The following PFKFB3 variants were observed in gnomAD, a reference collection of about 807,000 sequenced individuals.
The protein encoded by PFKFB3 is 6-phosphofructo-2-kinase/fructose-2,6-bisphosphatase 3.
Under a neutral mutation model 68.0 loss-of-function variants are expected in PFKFB3, and 33 were observed. The ratio of observed to expected loss-of-function variants is 0.49; its 90% CI spans 0.37 to 0.65. The LOEUF is 0.65. Among genes scored for constraint, PFKFB3 ranks in the 30% least tolerant of loss-of-function variants. The probability of loss-of-function intolerance (pLI) is 0.00; values close to 1 mark genes in which losing one functional copy is unlikely to be tolerated. For missense variants in PFKFB3, 586 were observed against 712.2 expected (o/e 0.82, Z 2.02); for synonymous variants, 315 against 288.2 (o/e 1.09, Z -0.94).
chr10:6,286,536 C>A, the PFKFB3 span, among the ~76,000 whole-genome samples: 1 of 152,102 alleles, frequency 6.6e-6, no homozygotes, highest in Non-Finnish European at 1.5e-5. Context: ...GGCCACCGTG[C>A]CCAGTTAATT....
intron 1 of PFKFB3, among the ~76,000 whole-genome samples, chr10:6,172,073 G>A (rs1167297739): frequency 1.3e-5 from 2 of 152,176 alleles, no homozygotes; most frequent in Admixed American, 6.6e-5. Flanking sequence ...CGGTGTCCGG[G>A]ACAGATACTC....
chr10:6,290,723 C>T, the PFKFB3 span, among the ~76,000 whole-genome samples: 10 of 152,150 alleles, frequency 6.6e-5, 1 homozygote, highest in South Asian at 8.3e-4. Flanking sequence ...AGACTGGTTT[C>T]GAACTCCTGA....
rs1318588450 is a variant in PFKFB3 at position 6,219,589 on chromosome 10, G to A, written c.519G>A (p.Pro173=). The A allele has an allele frequency of 1.2e-5, 20 of 1,613,970 alleles. No individual in the cohort carries two copies. The highest frequency in any genetic ancestry group is 2.2e-5 in the East Asian group (1 of 44,876). Residue 173 remains proline (P), a synonymous_variant, in exon 7 of 15, where the codon CCG becomes CCA. Transcript: ENST00000379775. ...SNIMEVKISS[P]DYKDCNSAEA... is the part of the protein sequence containing the mutation. Reference sequence around the variant, plus strand: ...TGCAGGAAGTTAAAATCTCCAGCCCGGATTACAAAGACTGCAACTCGGCAG... The same window carrying A: ...TGCAGGAAGTTAAAATCTCCAGCCCAGATTACAAAGACTGCAACTCGGCAG...
At chr10:6,222,778 C>T (rs958360013) in intron 10 of PFKFB3, 77 bp from the exon 11 acceptor site, 3 of 1,495,326 alleles carry the variant, frequency 2.0e-6, no homozygotes, top group Admixed American at 4.1e-5. Context: ...TCTGGCCGGT[C>T]TGATGCAGTC....
chr10:6,307,858 G>A, the PFKFB3 span, among the ~76,000 whole-genome samples: 1 of 152,162 alleles, frequency 6.6e-6, no homozygotes, highest in Non-Finnish European at 1.5e-5. Context: ...ATGTGATTAG[G>A]TTATGAGGGC....
rs1375867755 is a variant in PFKFB3, at chr10:6,210,364, GTT to G, written c.77-3246_77-3245del. 3.6e-3 allele frequency among the ~76,000 whole-genome samples: 212 copies of G among 58,644 alleles called. 14 individuals are homozygous for G. The highest frequency in any genetic ancestry group is 8.0e-3 in the African/African-American group (196 of 24,508). The allele number at this position is 58,644 out of a possible 152,430, so 38.5% of individuals were successfully genotyped here. On this transcript the variant is annotated intron_variant, in intron 1 of 14. Transcript: ENST00000379775. ...TTTTTTTGTTTTTTTTTGTTTTTTT[GTT>G]TTTTTTTTTTTTGAGACGAAGTTTC...
the PFKFB3 span, among the ~76,000 whole-genome samples, chr10:6,301,174 C>A: frequency 6.6e-6 from 1 of 152,088 alleles, no homozygotes; most frequent in East Asian, 1.9e-4. Flanking sequence ...GAGGAGGCAT[C>A]CACCATTGGG....
chr10:6,145,043 C>G, intron 1 of PFKFB3: 1 of 1,318,732 alleles, frequency 7.6e-7, no homozygotes, highest in East Asian at 3.1e-5. Context: ...GGCCCACGCC[C>G]CCAGCGCGCG....
the PFKFB3 span, among the ~76,000 whole-genome samples, chr10:6,285,972 G>GTTTT: frequency 6.2e-4 from 55 of 89,078 alleles, 1 homozygote; most frequent in Admixed American, 7.4e-4. Flanking sequence ...TCCTTTCACT[G>GTTTT]TTTTTTTTTT....
chr10:6,197,050 T>A (rs978352421), intron 1 of PFKFB3, among the ~76,000 whole-genome samples: 3 of 152,024 alleles, frequency 2.0e-5, no homozygotes, highest in African/African-American at 7.3e-5. Flanking sequence ...AATGGCGTGA[T>A]CTCGGCTCAC....
chr10:6,300,855 G>A, the PFKFB3 span, among the ~76,000 whole-genome samples: 1 of 152,220 alleles, frequency 6.6e-6, no homozygotes, highest in African/African-American at 2.4e-5. Flanking sequence ...GTAGGTACTA[G>A]AGAGAAGCTA....
intron 1 of PFKFB3, among the ~76,000 whole-genome samples, chr10:6,183,268 C>T (rs1258656505): frequency 1.3e-5 from 2 of 152,222 alleles, no homozygotes; most frequent in Non-Finnish European, 2.9e-5. Flanking sequence ...TCCGCAGGCC[C>T]AGCACCACGC....
intron 1 of PFKFB3, among the ~76,000 whole-genome samples, chr10:6,164,228 C>CG (rs149798356): frequency 1.5e-5 from 1 of 66,600 alleles, no homozygotes; most frequent in Non-Finnish European, 5.1e-5. Context: ...GGAGGCGCCG[C>CG]CAGTGAGCAC....
At chr10:6,168,103 T>C (rs534624046) in intron 1 of PFKFB3, among the ~76,000 whole-genome samples, 2 of 152,322 alleles carry the variant, frequency 1.3e-5, no homozygotes, top group South Asian at 4.1e-4. Context: ...TAAATCACAT[T>C]GTCTTCTTTC....
At chr10:6,172,974 G>A (rs1282728543) in intron 1 of PFKFB3, among the ~76,000 whole-genome samples, 1 of 152,162 alleles carries the variant, frequency 6.6e-6, no homozygotes, top group African/African-American at 2.4e-5. Flanking sequence ...CCTCCTGTTA[G>A]GCCAGCGTCC....
At chr10:6,281,139 C>G in the PFKFB3 span, among the ~76,000 whole-genome samples, 1 of 88,388 alleles carries the variant, frequency 1.1e-5, no homozygotes, top group African/African-American at 3.3e-5. Context: ...TATATTCATT[C>G]CTTTTTATGG....
Position 6,229,319 on chromosome 10 carries a change from CTG to C in PFKFB3, c.1515+2955_1515+2956del, listed in dbSNP as rs1845577263. 2 of 372,414 alleles carry C rather than the reference CTG, an allele frequency of 5.4e-6. No individual in the cohort carries two copies. The highest frequency in any genetic ancestry group is 6.3e-5 in the Admixed American group (2 of 31,518). The allele number at this position is 372,414 out of a possible 1,614,324, so 23.1% of individuals were successfully genotyped here. ...AGTCCCCCGTTTAATGGTTGAGGGG[CTG>C]AGTGACCGGCCCGTGCTTCCAGCAG... On this transcript the variant is annotated intron_variant, in intron 14 of 14. Coordinates refer to ENST00000379775, the MANE Select transcript of PFKFB3 (RefSeq NM_004566.4). The surrounding 1 kb of genome is among the most constrained non-coding windows in gnomAD (Gnocchi z 4.3).
At chr10:6,297,837 G>C in the PFKFB3 span, among the ~76,000 whole-genome samples, 1 of 152,070 alleles carries the variant, frequency 6.6e-6, no homozygotes, top group Admixed American at 6.5e-5. Context: ...TTCTACCTCT[G>C]CTCCACACAT....
At chr10:6,226,533 A>C (rs1290883729) in intron 14 of PFKFB3, 168 bp downstream of exon 14, 1 of 615,842 alleles carries the variant, frequency 1.6e-6, no homozygotes, top group Non-Finnish European at 2.8e-6. Flanking sequence ...GGGCATGTGC[A>C]CACACTCACG....
Sources: allele counts gnomAD v4.1 joint callset (sites outside exome capture counted in the v4.1 genomes callset), GRCh38; gene constraint gnomAD v4.1.1; non-coding constraint Gnocchi (gnomAD v3.1); transcripts MANE v1.5; gene names NCBI Gene and HGNC (gene_info 2026-07-23, HGNC 2026-07-21).